The following MAP4 variants were observed in gnomAD, a reference collection of about 807,000 sequenced individuals.
MAP4 encodes microtubule-associated protein 4.
MAP4 carries 76 observed loss-of-function variants against 170.2 expected under a neutral mutation model. The observed-to-expected ratio is 0.45, with a 90% CI of 0.37 to 0.54. MAP4 has a LOEUF of 0.54. MAP4 is among the 20% of genes least tolerant of loss of function. MAP4 has a pLI of 0.00. For missense variants in MAP4, 2,506 were observed against 2,748.0 expected (o/e 0.91, Z 1.97); for synonymous variants, 909 against 994.5 (o/e 0.91, Z 1.62).
intron 3 of MAP4, among the ~76,000 whole-genome samples, chr3:47,948,672 A>G (rs955930787): frequency 6.6e-6 from 1 of 152,046 alleles, no homozygotes; most frequent in Non-Finnish European, 1.5e-5. Flanking sequence ...CCCAGGCTGG[A>G]GTGCAGTGGC....
At chr3:47,897,329 G>A (rs1014312890) in intron 10 of MAP4, among the ~76,000 whole-genome samples, 4 of 152,046 alleles carry the variant, frequency 2.6e-5, no homozygotes, top group African/African-American at 9.7e-5. Flanking sequence ...GTTTCACGAT[G>A]TTGGCCAGGC....
Position 47,914,698 on chromosome 3 carries a change from C to T in MAP4, c.1999+119G>A. 4.2e-6 allele frequency: 5 copies of T among 1,193,378 alleles called. No homozygotes were observed. The South Asian group carries it at 5.9e-5, about 14-fold the overall frequency. The allele number at this position is 1,193,378 out of a possible 1,614,324, so 73.9% of individuals were successfully genotyped here. A position where few individuals can be genotyped will look rare whatever the true frequency, so the allele number is the denominator to read the frequency against. ...GATAAAATCTGTCTAAGAGAATTGACTTCATAAACTATACTGCTGATTACC... is the reference window on the plus strand; with the variant it reads ...GATAAAATCTGTCTAAGAGAATTGATTTCATAAACTATACTGCTGATTACC... On this transcript the variant is annotated intron_variant, in intron 8 of 20. Coordinates refer to ENST00000683076, the MANE Select transcript of MAP4 (RefSeq NM_001385682.1).
At chr3:48,043,333 T>C (rs145964814) in intron 1 of MAP4, among the ~76,000 whole-genome samples, 6,741 of 152,242 alleles carry the variant, frequency 0.044, 504 homozygotes, top group African/African-American at 0.15. Flanking sequence ...ACTCCTGGCC[T>C]CAAGTGATCT....
At chr3:48,030,625 C>A (rs1301837098) in intron 1 of MAP4, among the ~76,000 whole-genome samples, 2 of 151,186 alleles carry the variant, frequency 1.3e-5, no homozygotes, top group Non-Finnish European at 2.9e-5. Context: ...ATGATTAAAA[C>A]CCGTCTCTAT....
intron 1 of MAP4, among the ~76,000 whole-genome samples, chr3:48,074,679 TGTGTGTGTGTGTGTGTGTG>T (rs2100142886): frequency 8.0e-6 from 1 of 125,396 alleles, no homozygotes; most frequent in Non-Finnish European, 1.7e-5. Context: ...CAGCTAATTG[TGTGTGTGTGTGTGTGTGTG>T]TGTGTGTGTG....
At chr3:48,087,196 C>T (rs897934959) in intron 1 of MAP4, among the ~76,000 whole-genome samples, 8 of 152,200 alleles carry the variant, frequency 5.3e-5, no homozygotes, top group Admixed American at 1.3e-4. Flanking sequence ...TTAAAAGACA[C>T]AGCCTGAAGA....
intron 10 of MAP4, among the ~76,000 whole-genome samples, chr3:47,885,038 C>T (rs1009254251): frequency 6.6e-6 from 1 of 152,158 alleles, no homozygotes. Flanking sequence ...GAGCCCACTG[C>T]TGGGGATGGG....
intron 1 of MAP4, among the ~76,000 whole-genome samples, chr3:48,065,707 G>A (rs1322390711): frequency 6.6e-6 from 1 of 152,232 alleles, no homozygotes; most frequent in East Asian, 1.9e-4. Flanking sequence ...ATAAGCCAAT[G>A]ACTGTCAAGT....
At chr3:47,897,950 G>GGGGGAA (rs1491497294) in intron 10 of MAP4, among the ~76,000 whole-genome samples, 1 of 134,536 alleles carries the variant, frequency 7.4e-6, no homozygotes, top group African/African-American at 2.9e-5. Context: ...TCGGGGGGGG[G>GGGGGAA]AAAAAAAAAA....
At chr3:48,055,230 G>A (rs1051855272) in intron 1 of MAP4, among the ~76,000 whole-genome samples, 1 of 119,192 alleles carries the variant, frequency 8.4e-6, no homozygotes. Context: ...CTCCGTCTCC[G>A]TCTCCGTCTC....
Position 47,916,434 on chromosome 3 carries a change from C to G in MAP4, c.1393G>C (p.Ala465Pro). ...ETNVILTKDK[A>P]LPLEAEVAPV... is the part of the protein sequence containing the mutation. ...GCCACCTCTGCTTCTAAAGGTAGTG[C>G]TTTATCCTTGGTCAAGATCACGTTG... is the stretch of plus-strand genomic sequence containing the variant. The change falls in exon 7 of 21, where the codon GCA becomes CCA. Residue 465 changes from alanine to proline, a missense_variant. Around this residue, in one of 3 missense-constraint regions of MAP4, gnomAD observed 2,008 missense variants for 2,206.0 expected, o/e 0.91. Transcript: ENST00000683076. 2 of 1,614,086 alleles carry G rather than the reference C, an allele frequency of 1.2e-6. No individual in the cohort carries two copies. Among genetic ancestry groups the G allele is most frequent in the Non-Finnish European group, 1.7e-6 (2 of 1,180,006 alleles).
At chr3:48,072,110 A>C (rs935797803) in intron 1 of MAP4, among the ~76,000 whole-genome samples, 2 of 151,844 alleles carry the variant, frequency 1.3e-5, no homozygotes, top group African/African-American at 4.8e-5. Context: ...GATGCAGGAG[A>C]ATCACTTGAA....
chr3:48,053,691 A>T (rs997650413), intron 1 of MAP4, among the ~76,000 whole-genome samples: 1 of 152,194 alleles, frequency 6.6e-6, no homozygotes, highest in South Asian at 2.1e-4. Flanking sequence ...TTATTTGTAC[A>T]TGATCTGTCT....
intron 1 of MAP4, among the ~76,000 whole-genome samples, chr3:48,023,801 T>A (rs1198068625): frequency 6.6e-6 from 1 of 152,158 alleles, no homozygotes; most frequent in East Asian, 1.9e-4. Context: ...AAGACAAACT[T>A]ACACCACAAA....
At chr3:48,083,435 G>A (rs905831359) in intron 1 of MAP4, among the ~76,000 whole-genome samples, 2 of 152,012 alleles carry the variant, frequency 1.3e-5, no homozygotes, top group Non-Finnish European at 2.9e-5. Flanking sequence ...GTGCAGTCTC[G>A]GCTCACTGCA....
intron 2 of MAP4, among the ~76,000 whole-genome samples, chr3:47,996,245 C>T (rs1489892262): frequency 6.6e-6 from 1 of 152,076 alleles, no homozygotes; most frequent in Non-Finnish European, 1.5e-5. Flanking sequence ...CTTTATAAAC[C>T]TGAGAGAGGA....
At chr3:47,951,783 A>T (rs1293589180) in intron 3 of MAP4, among the ~76,000 whole-genome samples, 1 of 150,264 alleles carries the variant, frequency 6.7e-6, no homozygotes, top group African/African-American at 2.5e-5. Flanking sequence ...CCGTCTGGGA[A>T]GTGAGGAGCG....
intron 3 of MAP4, among the ~76,000 whole-genome samples, chr3:47,970,194 A>G (rs1354448441): frequency 6.6e-6 from 1 of 152,238 alleles, no homozygotes; most frequent in Non-Finnish European, 1.5e-5. Context: ...TTTTTTAAAA[A>G]GTCTTTAAAA....
chr3:48,069,042 T>G (rs1328452865), intron 1 of MAP4, among the ~76,000 whole-genome samples: 4 of 152,178 alleles, frequency 2.6e-5, no homozygotes, highest in African/African-American at 9.6e-5. Context: ...TTGAACACAG[T>G]AGAAAGAATG....
Sources: allele counts gnomAD v4.1 joint callset (sites outside exome capture counted in the v4.1 genomes callset), GRCh38; gene constraint gnomAD v4.1.1; regional missense constraint gnomAD v4.1.1; transcripts MANE v1.5; gene names NCBI Gene and HGNC (gene_info 2026-07-23, HGNC 2026-07-21).